The following RANBP17 variants were observed in gnomAD, a reference collection of about 807,000 sequenced individuals.
RANBP17 encodes the protein RAN binding protein 17, also known as ran-binding protein 17.
Under a neutral mutation model 141.2 loss-of-function variants are expected in RANBP17, and 158 were observed. The ratio of observed to expected loss-of-function variants is 1.12; its 90% confidence interval spans 0.98 to 1.28. The LOEUF (loss-of-function observed/expected upper bound fraction) is 1.28. RANBP17 is among the 50% of genes most tolerant of loss of function. The pLI, the probability that RANBP17 is intolerant of heterozygous loss-of-function variation, is 0.00. For missense variants in RANBP17, 1,438 were observed against 1,290.7 expected (o/e 1.11, Z -1.75); for synonymous variants, 430 against 450.0 (o/e 0.96, Z 0.56).
At chr5:171,089,194 G>A (rs1203135069) in intron 14 of RANBP17, among the ~76,000 whole-genome samples, 1 of 143,242 alleles carries the variant, frequency 7.0e-6, no homozygotes, top group Non-Finnish European at 1.5e-5. Context: ...ACCCTCAGCT[G>A]CAGGTCTGTT....
At chr5:171,071,643 C>A (rs1581560384) in intron 14 of RANBP17, among the ~76,000 whole-genome samples, 3 of 80,256 alleles carry the variant, frequency 3.7e-5, no homozygotes, top group South Asian at 4.9e-4. Context: ...GAACAATGAA[C>A]AGCTTTATGC....
chr5:171,171,680 C>T (rs1255277989), intron 16 of RANBP17, among the ~76,000 whole-genome samples: 1 of 151,846 alleles, frequency 6.6e-6, no homozygotes, highest in Non-Finnish European at 1.5e-5. Context: ...AAAAATATTA[C>T]CTTATAAAAA....
intron 3 of RANBP17, among the ~76,000 whole-genome samples, chr5:170,888,738 A>T (rs972324794): frequency 2.6e-5 from 4 of 152,126 alleles, no homozygotes; most frequent in Non-Finnish European, 5.9e-5. Context: ...ATTATGTTGC[A>T]AAGCAGTGGT....
At chr5:171,167,303 T>A (rs76887021) in intron 14 of RANBP17, among the ~76,000 whole-genome samples, 8,506 of 152,210 alleles carry the variant, frequency 0.056, 294 homozygotes, top group East Asian at 0.12. Flanking sequence ...AATCACATTT[T>A]AAAATGCATA....
chr5:171,289,778 C>T (rs1768375815), intron 25 of RANBP17, among the ~76,000 whole-genome samples: 1 of 152,122 alleles, frequency 6.6e-6, no homozygotes, highest in African/African-American at 2.4e-5. Context: ...GCCTGTAATC[C>T]CAGCACCTCG....
At chr5:171,126,905 C>G (rs1488165856) in intron 14 of RANBP17, among the ~76,000 whole-genome samples, 2 of 152,162 alleles carry the variant, frequency 1.3e-5, no homozygotes, top group Non-Finnish European at 1.5e-5. Flanking sequence ...TAAAGATGAT[C>G]TAATATCTCA....
intron 25 of RANBP17, among the ~76,000 whole-genome samples, chr5:171,293,549 T>A (rs564904343): frequency 2.2e-4 from 34 of 152,330 alleles, no homozygotes; most frequent in African/African-American, 7.2e-4. Context: ...GCTGAGCTTT[T>A]GCCTGGTGCC....
chr5:170,897,584 C>T (rs985721005), intron 5 of RANBP17, among the ~76,000 whole-genome samples: 25 of 151,458 alleles, frequency 1.7e-4, no homozygotes, highest in Non-Finnish European at 2.2e-4. Flanking sequence ...CAACAGGCCC[C>T]GGTGTGTGAT....
intron 14 of RANBP17, among the ~76,000 whole-genome samples, chr5:171,025,236 T>C (rs1258958514): frequency 2.0e-5 from 3 of 152,130 alleles, no homozygotes; most frequent in Non-Finnish European, 4.4e-5. Flanking sequence ...TTGGACACCA[T>C]AGCCAGAGTT....
chr5:171,051,771 A>G (rs1782967010), intron 14 of RANBP17, among the ~76,000 whole-genome samples: 15 of 152,268 alleles, frequency 9.9e-5, no homozygotes, highest in Admixed American at 9.8e-4. Context: ...TAGAGTTGCT[A>G]AATCATATGG....
At chr5:171,295,165 G>T (rs1339274711) in intron 26 of RANBP17, among the ~76,000 whole-genome samples, 1 of 152,118 alleles carries the variant, frequency 6.6e-6, no homozygotes, top group African/African-American at 2.4e-5. Flanking sequence ...GCAAAATGTT[G>T]TCTTTGTGCT....
At chr5:171,111,938 C>T (rs1052430511) in intron 14 of RANBP17, among the ~76,000 whole-genome samples, 1 of 151,966 alleles carries the variant, frequency 6.6e-6, no homozygotes, top group East Asian at 1.9e-4. Flanking sequence ...TGGCAGACAC[C>T]CAGGAAACAC....
chr5:171,115,270 A>G (rs965083559), intron 14 of RANBP17, among the ~76,000 whole-genome samples: 9 of 152,210 alleles, frequency 5.9e-5, no homozygotes, highest in Admixed American at 2.0e-4. Context: ...CCTATTTGAT[A>G]TGAGTATAGT....
intron 24 of RANBP17, among the ~76,000 whole-genome samples, chr5:171,260,417 G>A (rs1227103587): frequency 6.9e-6 from 1 of 145,870 alleles, no homozygotes; most frequent in Non-Finnish European, 1.5e-5. Flanking sequence ...GCAGTGAGCC[G>A]AGATCACTGC....
At chr5:171,017,955 T>A (rs763914624) in intron 14 of RANBP17, among the ~76,000 whole-genome samples, 2 of 152,194 alleles carry the variant, frequency 1.3e-5, no homozygotes, top group Non-Finnish European at 2.9e-5. Flanking sequence ...GGGGTCCGAT[T>A]TCAGTTTTCT....
Position 171,253,009 on chromosome 5 carries a change from T to TA in RANBP17, c.2776+10190dup. 6.1e-6 allele frequency: 7 copies of TA among 1,155,186 alleles called. No individual in the cohort carries two copies. In the South Asian group the frequency reaches 8.6e-5, roughly 14 times the overall value. The allele number at this position is 1,155,186 out of a possible 1,614,324, so 71.6% of individuals were successfully genotyped here. A position where few individuals can be genotyped will look rare whatever the true frequency, so the allele number is the denominator to read the frequency against. On this transcript the variant is annotated intron_variant, in intron 24 of 27. Transcript: ENST00000523189. ...TTGAGGGGGAACCGTGATGAAGAGA[T>TA]ACTTTCTGCCGCATTTCTTCTCTGG...
At chr5:171,094,965 G>C (rs1786572407) in intron 14 of RANBP17, among the ~76,000 whole-genome samples, 5 of 152,166 alleles carry the variant, frequency 3.3e-5, no homozygotes, top group African/African-American at 1.2e-4. Context: ...GTTGAATAAA[G>C]TAAGTCCAAT....
intron 15 of RANBP17, 69 bp from the exon 16 acceptor site, chr5:171,171,137 T>A: frequency 3.8e-6 from 3 of 789,264 alleles, no homozygotes; most frequent in Non-Finnish European, 6.3e-6. Flanking sequence ...TAAATTTATG[T>A]GTATTCTCTG....
At chr5:171,066,158 G>A (rs564422779) in intron 14 of RANBP17, among the ~76,000 whole-genome samples, 8 of 151,966 alleles carry the variant, frequency 5.3e-5, no homozygotes, top group South Asian at 4.2e-4. Context: ...AACTGCACCC[G>A]GCTGTGTTTA....
Sources: gnomAD v4.1 joint callset for allele counts (sites outside exome capture counted in the v4.1 genomes callset) on GRCh38, gnomAD v4.1.1 for gene constraint, MANE v1.5 for transcripts, NCBI Gene and HGNC (gene_info 2026-07-23, HGNC 2026-07-21) for gene names.